The following TRIML1 variants were observed in gnomAD, a reference collection of about 807,000 sequenced individuals.
TRIML1 encodes the protein probable E3 ubiquitin-protein ligase TRIML1.
TRIML1 carries 34 observed loss-of-function variants against 32.3 expected under a neutral mutation model. That is an observed-to-expected ratio of 1.05 (90% CI 0.80 to 1.40). TRIML1 has a LOEUF of 1.40. Ranked by LOEUF, TRIML1 falls within the 40% of genes most tolerant of loss-of-function variation. The pLI is 0.00. For missense variants in TRIML1, 595 were observed against 574.9 expected (o/e 1.03, Z -0.36); for synonymous variants, 244 against 226.6 (o/e 1.08, Z -0.69).
In TRIML1 at chr4:188,147,326, C is replaced by T; in HGVS notation, c.1361C>T (p.Thr454Ile). The T allele has an allele frequency of 6.5e-7, 1 of 1,530,472 alleles. No homozygotes were observed. Among genetic ancestry groups the T allele is most frequent in the Non-Finnish European group, 8.8e-7 (1 of 1,141,112 alleles). The allele number at this position is 1,530,472 out of a possible 1,614,324, so 94.8% of individuals were successfully genotyped here. The part of the protein sequence containing the change: ...IFSPCLPNEG[T>I]NTDPLTICSL... ...TCCCCCTGCCTCCCAAATGAGGGGA[C>T]AAACACAGACCCTCTCACCATCTGC... Residue 454 changes from threonine (T) to isoleucine (I), a missense_variant, in exon 6 of 6, where the codon ACA (threonine) becomes ATA (isoleucine). Thr to Ile is a moderately conservative substitution (Grantham distance 89). Coordinates refer to ENST00000332517, the MANE Select transcript of TRIML1 (RefSeq NM_178556.5).
At chr4:188,142,628 G>T in intron 3 of TRIML1, 146 bp downstream of exon 3, 2 of 595,078 alleles carry the variant, frequency 3.4e-6, no homozygotes. Context: ...CATTCTATAT[G>T]TCAATAAAGC....
chr4:188,147,238 G>A lies in TRIML1; in HGVS notation c.1273G>A (p.Asp425Asn). 1 of 1,608,768 alleles carries A rather than the reference G, an allele frequency of 6.2e-7. No homozygotes were observed. The highest frequency in any genetic ancestry group is 8.5e-7 in the Non-Finnish European group (1 of 1,177,292). ...SGHIAFYNGT[D>N]ESLIYSFPQA... ...ACATATAGCATTCTACAACGGGACG[G>A]ATGAATCCCTCATCTACAGCTTCCC... Residue 425 changes from aspartate to asparagine, a missense_variant, in exon 6 of 6, where the codon GAT (aspartate) becomes AAT (asparagine). Asp to Asn is a conservative substitution (Grantham distance 23). Coordinates refer to ENST00000332517, the MANE Select transcript of TRIML1 (RefSeq NM_178556.5).
chr4:188,139,995 C>A (rs181092621), intron 1 of TRIML1, 29 bp downstream of exon 1: 3 of 1,556,496 alleles, frequency 1.9e-6, no homozygotes, highest in Admixed American at 3.7e-5. Flanking sequence ...ATGAACCCCA[C>A]GACTCATCGC....
intron 5 of TRIML1, among the ~76,000 whole-genome samples, chr4:188,145,047 T>G (rs187165581): frequency 6.6e-6 from 1 of 152,292 alleles, no homozygotes; most frequent in African/African-American, 2.4e-5. Flanking sequence ...ATTTTGCCTT[T>G]CCTTTTGTAG....
chr4:188,144,363 C>CTTTTT (rs375672880), intron 5 of TRIML1, among the ~76,000 whole-genome samples: 1 of 139,474 alleles, frequency 7.2e-6, no homozygotes. Context: ...TCTAAAGGGT[C>CTTTTT]TTTTTTTTTT....
chr4:188,143,925 A>T, intron 4 of TRIML1, 65 bp downstream of exon 4: 1 of 1,610,940 alleles, frequency 6.2e-7, no homozygotes. Context: ...GACAGTTCTG[A>T]GTGGGGATAG....
downstream of TRIML1, among the ~76,000 whole-genome samples, chr4:188,148,945 G>T (rs1735180555): frequency 1.8e-5 from 2 of 108,232 alleles, no homozygotes; most frequent in Non-Finnish European, 1.7e-5. Flanking sequence ...GAGTAGTCTT[G>T]CTCTGTCACC....
At chr4:188,138,560 C>T (rs866619652), upstream of TRIML1, among the ~76,000 whole-genome samples, 1 of 152,062 alleles carries the variant, frequency 6.6e-6, no homozygotes, top group Admixed American at 6.6e-5. Flanking sequence ...CATTTGTTAC[C>T]AATCTCGGAG....
In TRIML1 at chr4:188,140,515, G is replaced by A; in HGVS notation, c.409-13G>A. ...TCTGCTCATTTGCCAGAAAGGGTTTGTTTCTATTGCAGGAGAAACTCCAGG... is the reference window on the plus strand; with the variant it reads ...TCTGCTCATTTGCCAGAAAGGGTTTATTTCTATTGCAGGAGAAACTCCAGG... On this transcript the variant is annotated splice_polypyrimidine_tract_variant and intron_variant, in intron 1 of 5. Coordinates refer to ENST00000332517, the MANE Select transcript of TRIML1 (RefSeq NM_178556.5). The A allele has an allele frequency of 6.2e-7, 1 of 1,605,646 alleles. No individual in the cohort carries two copies. The highest frequency in any genetic ancestry group is 8.5e-7 in the Non-Finnish European group (1 of 1,174,080).
upstream of TRIML1, among the ~76,000 whole-genome samples, chr4:188,137,916 C>CTTTTTTTTTTTT (rs1298700958): frequency 1.5e-5 from 2 of 131,524 alleles, 1 homozygote. Flanking sequence ...CCTGGCCAAA[C>CTTTTTTTTTTTT]TTTTTTTCTT....
downstream of TRIML1, among the ~76,000 whole-genome samples, chr4:188,148,240 T>A (rs1735158810): frequency 2.0e-5 from 3 of 152,120 alleles, no homozygotes; most frequent in Non-Finnish European, 4.4e-5. Context: ...ATGCCTGTAA[T>A]CCCAGCACTT....
intron 5 of TRIML1, among the ~76,000 whole-genome samples, chr4:188,145,255 T>C (rs759224389): frequency 6.6e-6 from 1 of 150,874 alleles, no homozygotes; most frequent in Non-Finnish European, 1.5e-5. Context: ...CTGGCCAACA[T>C]GGTGAAACTG....
intron 5 of TRIML1, 135 bp from the exon 6 acceptor site, chr4:188,146,687 G>T: frequency 3.1e-6 from 2 of 636,748 alleles, no homozygotes; most frequent in Admixed American, 3.1e-5. Flanking sequence ...CATTACAGGC[G>T]CGAGCCATCA....
chr4:188,145,248 G>A (rs10019679), intron 5 of TRIML1, among the ~76,000 whole-genome samples: 1 of 151,482 alleles, frequency 6.6e-6, no homozygotes, highest in Non-Finnish European at 1.5e-5. Flanking sequence ...GACCAGCCTG[G>A]CCAACATGGT....
chr4:188,146,964 T>C lies in TRIML1; in HGVS notation c.999T>C (p.Thr333=), dbSNP rs1194240275. 15 of 1,554,794 alleles carry C rather than the reference T, an allele frequency of 9.6e-6. No individual in the cohort carries two copies. The highest frequency in any genetic ancestry group is 5.5e-5 in the African/African-American group (4 of 73,056). The part of the protein sequence containing the change: ...RFDQSATVLG[T]QIFTSGRHYW... ...ACCAGTCTGCGACTGTGCTGGGTAC[T>C]CAGATCTTCACCAGTGGGAGACACT... Residue 333 remains threonine, a synonymous_variant, in exon 6 of 6, where the codon ACT becomes ACC. Coordinates refer to ENST00000332517, the MANE Select transcript of TRIML1 (RefSeq NM_178556.5).
intron 5 of TRIML1, among the ~76,000 whole-genome samples, chr4:188,144,782 A>C (rs1735009113): frequency 6.6e-6 from 1 of 152,132 alleles, no homozygotes; most frequent in African/African-American, 2.4e-5. Flanking sequence ...GTTAGGATGA[A>C]AGCTGACTTA....
downstream of TRIML1, among the ~76,000 whole-genome samples, chr4:188,150,152 G>A (rs1178339297): frequency 6.6e-6 from 1 of 151,146 alleles, no homozygotes; most frequent in African/African-American, 2.4e-5. Context: ...TTGAGACAGA[G>A]TTTTGCTCTT....
chr4:188,150,194 C>T (rs1374780348), downstream of TRIML1, among the ~76,000 whole-genome samples: 4 of 151,696 alleles, frequency 2.6e-5, no homozygotes, highest in South Asian at 2.1e-4. Context: ...GGCATGATCT[C>T]GGCTCACTGC....
At chr4:188,144,615 G>C in intron 5 of TRIML1, among the ~76,000 whole-genome samples, 1 of 151,632 alleles carries the variant, frequency 6.6e-6, no homozygotes, top group East Asian at 1.9e-4. Context: ...GCCCGCCTCG[G>C]CCTCCCAAAG....
Sources: gnomAD v4.1 joint callset for allele counts (sites outside exome capture counted in the v4.1 genomes callset) on GRCh38, gnomAD v4.1.1 for gene constraint, MANE v1.5 for transcripts, NCBI Gene and HGNC (gene_info 2026-07-23, HGNC 2026-07-21) for gene names.